CDK14: variants seen among roughly 807,000 people sequenced by gnomAD.
The protein encoded by CDK14 is cyclin dependent kinase 14.
In CDK14, 34 loss-of-function variants were observed where a neutral mutation model predicts 60.7. The ratio of observed to expected loss-of-function variants is 0.56; its 90% CI spans 0.43 to 0.75. The LOEUF is 0.75. CDK14 is among the 30% of genes least tolerant of loss of function. The pLI, the probability that CDK14 is intolerant of heterozygous loss-of-function variation, is 0.00. For missense variants in CDK14, 482 were observed against 564.1 expected, an observed-to-expected ratio of 0.85 and a Z score of 1.47; for synonymous variants, 197 against 203.7, an observed-to-expected ratio of 0.97 and a Z score of 0.28.
At chr7:90,823,401 G>A (rs1789617247) in intron 5 of CDK14, among the ~76,000 whole-genome samples, 1 of 152,178 alleles carries the variant, frequency 6.6e-6, no homozygotes, top group Non-Finnish European at 1.5e-5. Context: ...AAATAACTGG[G>A]AAAGAAAGAT....
intron 14 of CDK14, among the ~76,000 whole-genome samples, chr7:91,148,526 T>C (rs1691022163): frequency 6.6e-6 from 1 of 152,120 alleles, no homozygotes; most frequent in African/African-American, 2.4e-5. Flanking sequence ...ATTGGTGCCT[T>C]AGGGTAAAAA....
At chr7:91,063,085 G>A (rs1470944668) in intron 11 of CDK14, among the ~76,000 whole-genome samples, 4 of 152,204 alleles carry the variant, frequency 2.6e-5, no homozygotes, top group Non-Finnish European at 5.9e-5. Flanking sequence ...ATGAAAGTTG[G>A]AAGAGAGGAG....
intron 13 of CDK14, among the ~76,000 whole-genome samples, chr7:91,114,253 T>C (rs1043847090): frequency 6.6e-6 from 1 of 152,188 alleles, no homozygotes; most frequent in South Asian, 2.1e-4. Context: ...TCTGTAGTAG[T>C]ACTTTTCTGT....
intron 11 of CDK14, 77 bp downstream of exon 11, chr7:91,046,037 A>C: frequency 1.1e-6 from 1 of 926,562 alleles, no homozygotes. Flanking sequence ...CCTCTCAAGC[A>C]ATATACCACC....
intron 10 of CDK14, among the ~76,000 whole-genome samples, chr7:90,998,405 G>A (rs1795746042): frequency 6.6e-6 from 1 of 151,988 alleles, no homozygotes; most frequent in African/African-American, 2.4e-5. Context: ...TTTTTTTGAG[G>A]TAATAGTAAG....
chr7:90,677,135 A>G (rs544070874), intron 2 of CDK14, among the ~76,000 whole-genome samples: 2 of 152,310 alleles, frequency 1.3e-5, no homozygotes, highest in East Asian at 3.9e-4. Flanking sequence ...ATAACAAAAG[A>G]CTTCCCTGGA....
At chr7:90,810,939 A>G (rs1476859407) in intron 5 of CDK14, among the ~76,000 whole-genome samples, 4 of 152,104 alleles carry the variant, frequency 2.6e-5, no homozygotes, top group Non-Finnish European at 5.9e-5. Flanking sequence ...AAGGAGAACT[A>G]CAAACCACTG....
chr7:91,075,163 C>T (rs1798262868), intron 11 of CDK14, among the ~76,000 whole-genome samples: 2 of 152,258 alleles, frequency 1.3e-5, no homozygotes, highest in Admixed American at 1.3e-4. Context: ...CATCCTGATA[C>T]CAAAACCAGG....
chr7:91,083,534 C>G (rs1798540584), intron 12 of CDK14, among the ~76,000 whole-genome samples: 1 of 152,164 alleles, frequency 6.6e-6, no homozygotes, highest in South Asian at 2.1e-4. Context: ...CACCTGCTTG[C>G]TTGGAAGTTG....
rs572665374 is a variant in CDK14 at position 91,159,731 on chromosome 7, C to T, written c.*28+41523C>T. On this transcript the variant is annotated intron_variant, in intron 14 of 14. Transcript: ENST00000380050. The stretch of plus-strand genomic sequence containing the variant: ...GAGTTGTGCATGACAACCAAGAGTC[C>T]GCCAGAAGTTAGGCGATGGGACCAA... 1.0e-3 allele frequency among the ~76,000 whole-genome samples: 155 copies of T among 152,204 alleles called. 1 individual carries two copies. The highest frequency in any genetic ancestry group is 3.5e-3 in the African/African-American group (145 of 41,524).
chr7:91,179,876 A>G (rs965567602), intron 14 of CDK14, among the ~76,000 whole-genome samples: 1 of 152,098 alleles, frequency 6.6e-6, no homozygotes, highest in Non-Finnish European at 1.5e-5. Context: ...TTGATCATTC[A>G]TGTACCAATA....
chr7:91,055,862 A>G (rs1797533970), intron 11 of CDK14, among the ~76,000 whole-genome samples: 1 of 152,210 alleles, frequency 6.6e-6, no homozygotes, highest in Non-Finnish European at 1.5e-5. Flanking sequence ...AAAATAAAAC[A>G]TTTGGTTGAG....
At chr7:90,946,073 T>G (rs1201732785) in intron 8 of CDK14, among the ~76,000 whole-genome samples, 1 of 152,006 alleles carries the variant, frequency 6.6e-6, no homozygotes, top group East Asian at 1.9e-4. Context: ...AACAGTGGAG[T>G]GGAGGCAGAA....
intron 9 of CDK14, among the ~76,000 whole-genome samples, chr7:90,969,469 T>A (rs982963027): frequency 6.6e-6 from 1 of 152,230 alleles, no homozygotes; most frequent in Non-Finnish European, 1.5e-5. Context: ...CTTTGATTTT[T>A]AAGATAATTA....
intron 10 of CDK14, among the ~76,000 whole-genome samples, chr7:90,996,863 T>C (rs1176308054): frequency 6.6e-6 from 1 of 152,232 alleles, no homozygotes; most frequent in Non-Finnish European, 1.5e-5. Context: ...TGTGGGCATA[T>C]ATTCTTCTCC....
At chr7:90,949,671 C>G (rs1431098218) in intron 8 of CDK14, among the ~76,000 whole-genome samples, 1 of 151,876 alleles carries the variant, frequency 6.6e-6, no homozygotes, top group African/African-American at 2.4e-5. Context: ...CAAAGAATAC[C>G]CTTATTCAGT....
chr7:90,953,633 T>C (rs1794324864), intron 8 of CDK14, among the ~76,000 whole-genome samples: 1 of 152,178 alleles, frequency 6.6e-6, no homozygotes, highest in Non-Finnish European at 1.5e-5. Flanking sequence ...ATAACTAGCC[T>C]GGTCTGAGCT....
At chr7:90,608,039 T>G (rs1799456403) in intron 2 of CDK14, among the ~76,000 whole-genome samples, 1 of 152,196 alleles carries the variant, frequency 6.6e-6, no homozygotes, top group Non-Finnish European at 1.5e-5. Flanking sequence ...AGAAGATTGG[T>G]ATTTTGTGTC....
intron 6 of CDK14, among the ~76,000 whole-genome samples, chr7:90,888,662 A>G (rs1003637024): frequency 1.3e-5 from 2 of 152,200 alleles, no homozygotes; most frequent in Admixed American, 6.5e-5. Context: ...GAGAGTTAAG[A>G]TATTCCTGAG....
Sources: gnomAD v4.1 joint callset for allele counts (sites outside exome capture counted in the v4.1 genomes callset) on GRCh38, gnomAD v4.1.1 for gene constraint, MANE v1.5 for transcripts, NCBI Gene and HGNC (gene_info 2026-07-23, HGNC 2026-07-21) for gene names.